MELK: variants seen among roughly 807,000 people sequenced by gnomAD.
MELK encodes the protein maternal embryonic leucine zipper kinase.
In MELK, 81 loss-of-function variants were observed where a neutral mutation model predicts 85.0. The observed-to-expected ratio is 0.95, with a 90% CI of 0.80 to 1.15. The LOEUF (loss-of-function observed/expected upper bound fraction) is 1.15, where lower values mean the gene tolerates loss of function less well. MELK is among the 50% of genes most tolerant of loss of function. The pLI is 0.00. For synonymous variants in MELK, 252 were observed against 265.0 expected, an observed-to-expected ratio of 0.95 and a Z score of 0.48; for missense variants, 754 against 777.5, an observed-to-expected ratio of 0.97 and a Z score of 0.36.
intron 7 of MELK, among the ~76,000 whole-genome samples, chr9:36,604,268 CTTTTTTTTTTTTTT>C (rs10598117): frequency 8.9e-5 from 3 of 33,750 alleles, no homozygotes; most frequent in Non-Finnish European, 1.5e-4. Context: ...CGCGCCCGGG[CTTTTTTTTTTTTTT>C]TTTTTTTTTT....
At chr9:36,669,460 C>A in intron 15 of MELK, 54 bp downstream of exon 15, 1 of 1,274,020 alleles carries the variant, frequency 7.8e-7, no homozygotes, top group Non-Finnish European at 1.1e-6. Context: ...ACCAGATTTC[C>A]TTTTTCATGT....
At chr9:36,588,195 TA>T (rs1480285288) in intron 3 of MELK, among the ~76,000 whole-genome samples, 2 of 150,382 alleles carry the variant, frequency 1.3e-5, no homozygotes, top group East Asian at 3.9e-4. Flanking sequence ...TAGCTGGGAT[TA>T]CAGACATGCG....
chr9:36,596,598 T>C (rs1450298029), intron 5 of MELK, among the ~76,000 whole-genome samples: 1 of 131,354 alleles, frequency 7.6e-6, no homozygotes, highest in South Asian at 2.3e-4. Flanking sequence ...TTGTTTTTTT[T>C]TTTTTGAGAT....
chr9:36,574,978 T>C (rs1179399393), intron 1 of MELK, among the ~76,000 whole-genome samples: 1 of 149,930 alleles, frequency 6.7e-6, no homozygotes, highest in African/African-American at 2.5e-5. Context: ...TTACTAAAAA[T>C]ACAAAAAATT....
intron 6 of MELK, 83 bp from the exon 7 acceptor site, chr9:36,599,311 A>T: frequency 1.1e-6 from 1 of 901,490 alleles, no homozygotes; most frequent in Non-Finnish European, 1.6e-6. Context: ...AAAAAAAAAA[A>T]AAAAAAAAAA....
At chr9:36,639,860 A>ATTT (rs149698267) in intron 10 of MELK, among the ~76,000 whole-genome samples, 3 of 150,204 alleles carry the variant, frequency 2.0e-5, no homozygotes, top group Middle Eastern at 3.5e-3. Flanking sequence ...TTAAAAAAAT[A>ATTT]TTTTTTTTTT....
At chr9:36,619,468 T>G (rs1827187037) in intron 8 of MELK, among the ~76,000 whole-genome samples, 1 of 152,180 alleles carries the variant, frequency 6.6e-6, no homozygotes, top group East Asian at 1.9e-4. Flanking sequence ...CTAACCATAC[T>G]TACTTCTTGG....
At chr9:36,585,761 T>C (rs1587330270) in intron 3 of MELK, among the ~76,000 whole-genome samples, 1 of 151,418 alleles carries the variant, frequency 6.6e-6, no homozygotes, top group Admixed American at 6.6e-5. Flanking sequence ...ATATGGCAAG[T>C]CTTGTCCCTA....
chr9:36,628,587 T>G (rs1265819855), intron 8 of MELK, among the ~76,000 whole-genome samples: 2 of 151,086 alleles, frequency 1.3e-5, no homozygotes, highest in Non-Finnish European at 3.0e-5. Flanking sequence ...GCCCGGCTAA[T>G]TTTTGTATTT....
chr9:36,604,340 G>A (rs1488667992), intron 7 of MELK, among the ~76,000 whole-genome samples: 22 of 132,158 alleles, frequency 1.7e-4, no homozygotes, highest in African/African-American at 6.1e-4. Context: ...GTGCGATGGT[G>A]CAATCTCGGC....
In MELK at chr9:36,598,007, G is replaced by A. The variant is rs115367565; in HGVS notation, c.474+717G>A. Among the ~76,000 whole-genome samples, 1,292 of 152,144 alleles carry A rather than the reference G, an allele frequency of 8.5e-3. 21 individuals are homozygous for A. Among genetic ancestry groups the A allele is most frequent in the African/African-American group, 0.029 (1,214 of 41,488 alleles). On this transcript the variant is annotated intron_variant, in intron 6 of 17. Coordinates refer to ENST00000298048, the MANE Select transcript of MELK (RefSeq NM_014791.4). ...AATGTTGAAATTGCAGACTTGTCTCGGGCTTTGGTAATCCCATAACTGTTT... is the reference window on the plus strand; with the variant it reads ...AATGTTGAAATTGCAGACTTGTCTCAGGCTTTGGTAATCCCATAACTGTTT...
Position 36,651,278 on chromosome 9 carries a change from C to T in MELK, c.922-468C>T, listed in dbSNP as rs1230749171. Among the ~76,000 whole-genome samples, 10 of 152,294 alleles carry T rather than the reference C, an allele frequency of 6.6e-5. No homozygotes were observed. The East Asian group carries it at 1.3e-3, about 21-fold the overall frequency. Reference sequence around the variant, plus strand: ...CAGGGTAACAATTAACTATTTTGAACATTATCCCTACTTAGTTGTGAATGC... The same window carrying T: ...CAGGGTAACAATTAACTATTTTGAATATTATCCCTACTTAGTTGTGAATGC... On this transcript the variant is annotated intron_variant, in intron 11 of 17. Transcript: ENST00000298048.
chr9:36,638,738 A>G (rs1393749229), intron 10 of MELK, among the ~76,000 whole-genome samples: 5 of 152,198 alleles, frequency 3.3e-5, no homozygotes, highest in African/African-American at 9.7e-5. Flanking sequence ...GCACTATCCT[A>G]TGGGCTTTAT....
chr9:36,639,227 G>A (rs2483639), intron 10 of MELK, among the ~76,000 whole-genome samples: 14,719 of 152,216 alleles, frequency 0.097, 766 homozygotes, highest in Middle Eastern at 0.15. Context: ...AACTTTACAT[G>A]TTGTATCATT....
At chr9:36,632,379 T>C (rs1185842297) in intron 9 of MELK, among the ~76,000 whole-genome samples, 1 of 152,186 alleles carries the variant, frequency 6.6e-6, no homozygotes, top group Non-Finnish European at 1.5e-5. Context: ...CTATGTAGTG[T>C]TATAAGGACA....
At chr9:36,595,528 G>C (rs990995603) in intron 5 of MELK, among the ~76,000 whole-genome samples, 5 of 151,964 alleles carry the variant, frequency 3.3e-5, no homozygotes, top group East Asian at 1.9e-4. Context: ...CACCGCTCCT[G>C]GCCTTGGTAG....
At chr9:36,583,130 T>G (rs1398290261) in intron 2 of MELK, among the ~76,000 whole-genome samples, 2 of 151,988 alleles carry the variant, frequency 1.3e-5, no homozygotes, top group African/African-American at 4.8e-5. Context: ...CCCGCCACCA[T>G]GCCAGGCTAA....
chr9:36,628,413 A>C (rs893534197), intron 8 of MELK, among the ~76,000 whole-genome samples: 9 of 151,620 alleles, frequency 5.9e-5, no homozygotes, highest in African/African-American at 1.9e-4. Context: ...TTTGTTGTTA[A>C]CTTTGTTAAT....
At chr9:36,624,116 C>T (rs1377084220) in intron 8 of MELK, among the ~76,000 whole-genome samples, 2 of 146,734 alleles carry the variant, frequency 1.4e-5, no homozygotes, top group African/African-American at 5.1e-5. Context: ...TGGAGTCTCG[C>T]TCTGTCGCCC....
Sources: allele counts gnomAD v4.1 joint callset (sites outside exome capture counted in the v4.1 genomes callset), GRCh38; gene constraint gnomAD v4.1.1; transcripts MANE v1.5; gene names NCBI Gene and HGNC (gene_info 2026-07-23, HGNC 2026-07-21).